HLTF: variants seen among roughly 807,000 people sequenced by gnomAD.
HLTF encodes the protein DNA-dependent ATPase/E3 ubiquitin-protein ligase HLTF.
A neutral mutation model predicts 129.4 loss-of-function variants in HLTF; 127 were observed. The observed-to-expected ratio is 0.98, with a 90% CI of 0.85 to 1.14. HLTF has a LOEUF of 1.14. Ranked by LOEUF, HLTF falls within the 50% of genes most tolerant of loss-of-function variation. The pLI is 0.00. For missense variants in HLTF, 1,139 were observed against 1,187.1 expected (o/e 0.96, Z 0.60); for synonymous variants, 332 against 388.8 (o/e 0.85, Z 1.72).
At chr3:149,080,926 T>A (rs1719806996) in intron 2 of HLTF, among the ~76,000 whole-genome samples, 1 of 152,172 alleles carries the variant, frequency 6.6e-6, no homozygotes, top group Admixed American at 6.5e-5. Flanking sequence ...ACAGACCACA[T>A]GCATTATGCA....
intron 2 of HLTF, among the ~76,000 whole-genome samples, chr3:149,080,957 T>C (rs1349719737): frequency 1.3e-5 from 2 of 152,166 alleles, no homozygotes; most frequent in Non-Finnish European, 2.9e-5. Context: ...CACAAGATTA[T>C]AATGGGGCTG....
chr3:149,079,026 C>T (rs1267114674), intron 2 of HLTF, among the ~76,000 whole-genome samples: 2 of 152,038 alleles, frequency 1.3e-5, no homozygotes, highest in East Asian at 1.9e-4. Context: ...CAAATTTGAG[C>T]AGGCATAAGA....
chr3:149,044,045 G>A (rs1716341002), intron 18 of HLTF, among the ~76,000 whole-genome samples: 1 of 152,074 alleles, frequency 6.6e-6, no homozygotes, highest in Non-Finnish European at 1.5e-5. Flanking sequence ...AAACTTACAA[G>A]CTCTAAACCA....
intron 4 of HLTF, among the ~76,000 whole-genome samples, chr3:149,073,990 T>C (rs1413398145): frequency 2.0e-5 from 3 of 152,178 alleles, no homozygotes; most frequent in African/African-American, 7.2e-5. Context: ...TTCTTTAATT[T>C]TTTTAATATC....
rs755031313 is a variant in HLTF at position 149,071,646 on chromosome 3, T to C, written c.639A>G (p.Glu213=). ...VQMTTEQLKT[E]FDKLFEDLKE... Reference sequence around the variant, plus strand: ...TTAAATCTTCAAACAATTTGTCAAATTCTGTTTTAAGCTACAATAAACAGC... The same window carrying C: ...TTAAATCTTCAAACAATTTGTCAAACTCTGTTTTAAGCTACAATAAACAGC... Residue 213 remains glutamate, a synonymous_variant, in exon 6 of 25, where the codon GAA becomes GAG. Coordinates refer to ENST00000310053, the MANE Select transcript of HLTF (RefSeq NM_003071.4). The C allele has an allele frequency of 2.5e-6, 4 of 1,576,958 alleles. No homozygotes were observed. The highest frequency in any genetic ancestry group is 3.4e-5 in the Admixed American group (2 of 58,726).
Position 149,080,134 on chromosome 3 carries a change from G to A in HLTF, c.229-4087C>T, listed in dbSNP as rs78957066. On this transcript the variant is annotated intron_variant, in intron 2 of 24. Coordinates refer to ENST00000310053, the MANE Select transcript of HLTF (RefSeq NM_003071.4). ...TTTCATTTACGTGAAATGTCAAGAGGAGGTAAATCCATATACACAGGAAGA... is the reference window on the plus strand; with the variant it reads ...TTTCATTTACGTGAAATGTCAAGAGAAGGTAAATCCATATACACAGGAAGA... Among the ~76,000 whole-genome samples, 1,292 of 152,186 alleles carry A rather than the reference G, an allele frequency of 8.5e-3. 23 individuals are homozygous for A. The highest frequency in any genetic ancestry group is 0.029 in the African/African-American group (1,201 of 41,498).
chr3:149,078,717 C>T (rs1245955805), intron 2 of HLTF, among the ~76,000 whole-genome samples: 3 of 151,500 alleles, frequency 2.0e-5, no homozygotes, highest in African/African-American at 7.3e-5. Flanking sequence ...ATTAGCCGGG[C>T]GAGGTGGCGG....
intron 2 of HLTF, among the ~76,000 whole-genome samples, chr3:149,083,955 AGTGAAAGAAAATCACACTGGCCT>A (rs1241528355): frequency 1.3e-5 from 2 of 151,992 alleles, no homozygotes; most frequent in Non-Finnish European, 2.9e-5. Flanking sequence ...AATTCACTTA[AGTGAAAGAAAATCACACTGGCCT>A]GAGAATTCTA....
At position 149,084,711 on chromosome 3, in the gene HLTF, C is replaced by T. The variant is rs1332300849; in HGVS notation, c.199G>A (p.Val67Met). 2.5e-6 allele frequency: 4 copies of T among 1,613,798 alleles called. No individual in the cohort carries two copies. The highest frequency in any genetic ancestry group is 3.4e-6 in the Non-Finnish European group (4 of 1,179,798). ...SVLFGSLRGH[V>M]VGLRYYTGVV... ...CCCGTGTAATAGCGTAGTCCAACCACATGACCTCTCAAACTTCCAAATAAA... is the reference window on the plus strand; with the variant it reads ...CCCGTGTAATAGCGTAGTCCAACCATATGACCTCTCAAACTTCCAAATAAA... The change falls in exon 2 of 25, where the codon GTG (valine) becomes ATG (methionine). Residue 67 changes from valine to methionine, a missense_variant. Coordinates refer to ENST00000310053, the MANE Select transcript of HLTF (RefSeq NM_003071.4).
At chr3:149,062,661 A>G (rs909990419) in intron 10 of HLTF, among the ~76,000 whole-genome samples, 1 of 152,228 alleles carries the variant, frequency 6.6e-6, no homozygotes, top group Admixed American at 6.5e-5. Context: ...CTATGTTAAT[A>G]TAATACTGTC....
chr3:149,079,373 T>TAAAAAAAAAAAAAAAAAAAA (rs71135659), intron 2 of HLTF, among the ~76,000 whole-genome samples: 3 of 57,230 alleles, frequency 5.2e-5, no homozygotes, highest in African/African-American at 1.9e-4. Context: ...CGACAGTTTC[T>TAAAAAAAAAAAAAAAAAAAA]AAAAAAAAAA....
intron 13 of HLTF, among the ~76,000 whole-genome samples, chr3:149,057,089 G>C (rs1357265928): frequency 8.3e-6 from 1 of 120,706 alleles, no homozygotes; most frequent in Admixed American, 1.0e-4. Context: ...CAGCCTGGGC[G>C]ACAGCGAGAC....
In HLTF at chr3:149,077,031, G is replaced by A. The variant is rs138712215; in HGVS notation, c.229-984C>T. Reference sequence around the variant, plus strand: ...TGGGAGGCCGAGGTGGGAAGATCACGAGGTCAAGAGATCAAGACCATCCTA... The same window carrying A: ...TGGGAGGCCGAGGTGGGAAGATCACAAGGTCAAGAGATCAAGACCATCCTA... On this transcript the variant is annotated intron_variant, in intron 2 of 24. Transcript: ENST00000310053. 4.7e-3 allele frequency among the ~76,000 whole-genome samples: 716 copies of A among 152,084 alleles called. 5 individuals carry two copies. Among genetic ancestry groups the A allele is most frequent in the African/African-American group, 0.016 (671 of 41,472 alleles).
rs761055691 is a variant in HLTF at position 149,068,325 on chromosome 3, A to G, written c.905T>C (p.Leu302Pro). Residue 302 changes from leucine to proline, a missense_variant, in exon 8 of 25, where the codon CTT (leucine) becomes CCT (proline). Coordinates refer to ENST00000310053, the MANE Select transcript of HLTF (RefSeq NM_003071.4). Reference sequence around the variant, plus strand: ...GGTAAGGATTACTGCAATGGCCGTAAGAGTTTTACCCTTAAAAATGTTTTA... The same window carrying G: ...GGTAAGGATTACTGCAATGGCCGTAGGAGTTTTACCCTTAAAAATGTTTTA... ...LADDMGLGKT[L>P]TAIAVILTNF... is the part of the protein sequence containing the mutation. 13 of 1,478,152 alleles carry G rather than the reference A, an allele frequency of 8.8e-6. No homozygotes were observed. Among genetic ancestry groups the G allele is most frequent in the Non-Finnish European group, 1.2e-5 (13 of 1,066,844 alleles). 91.6% of individuals were successfully genotyped at this position (1,478,152 alleles called of 1,614,324 possible).
At position 149,031,271 on chromosome 3, in the gene HLTF, A is replaced by G. The variant is rs1298494218; in HGVS notation, c.*949T>C. 6.5e-6 allele frequency: 1 copy of G among 152,674 alleles called. No individual in the cohort carries two copies. Among genetic ancestry groups the G allele is most frequent in the African/African-American group, 2.4e-5 (1 of 41,458 alleles). The allele number at this position is 152,674 out of a possible 1,614,324, so 9.5% of individuals were successfully genotyped here. ...AAACACATAACAATTGTTTACATTC[A>G]GGATTAAGATGTCTTTAAGAGTTGA... On this transcript the variant is annotated 3_prime_UTR_variant, in exon 25 of 25. Transcript: ENST00000310053.
chr3:149,045,613 T>A (rs1412267028), intron 18 of HLTF, among the ~76,000 whole-genome samples: 1 of 152,158 alleles, frequency 6.6e-6, no homozygotes, highest in Non-Finnish European at 1.5e-5. Flanking sequence ...CACTGAAGTT[T>A]TTATGTTTTG....
chr3:149,055,342 T>C lies in HLTF; in HGVS notation c.1434A>G (p.Thr478=). 2 of 1,613,948 alleles carry C rather than the reference T, an allele frequency of 1.2e-6. No individual in the cohort carries two copies. The highest frequency in any genetic ancestry group is 1.7e-6 in the Non-Finnish European group (2 of 1,179,872). Residue 478 remains threonine (T), a synonymous_variant, in exon 14 of 25, where the codon ACA becomes ACG. Transcript: ENST00000310053. ...ACACAGAAAGCGGACAGATGATCAGTGTTGTTCTTGGTCTCTCCTCAACAT... is the reference window on the plus strand; with the variant it reads ...ACACAGAAAGCGGACAGATGATCAGCGTTGTTCTTGGTCTCTCCTCAACAT... ...KTDVEERPRT[T]LIICPLSVLS...
Position 149,059,813 on chromosome 3 carries a change from A to G in HLTF, c.1286-6T>C. On this transcript the variant is annotated splice_region_variant and splice_polypyrimidine_tract_variant and intron_variant, in intron 12 of 24. Coordinates refer to ENST00000310053, the MANE Select transcript of HLTF (RefSeq NM_003071.4). ...TATAACCTTAGAAGATCCTGCTGAT[A>G]AAACAACAAAGAATCTTAAATTTTT... 6.3e-7 allele frequency: 1 copy of G among 1,574,932 alleles called. No homozygotes were observed. The highest frequency in any genetic ancestry group is 8.7e-7 in the Non-Finnish European group (1 of 1,155,534).
intron 7 of HLTF, 87 bp downstream of exon 7, chr3:149,071,165 T>G: frequency 1.2e-6 from 1 of 801,888 alleles, no homozygotes; most frequent in Non-Finnish European, 1.9e-6. Flanking sequence ...TACCAACATA[T>G]TCCTATCTCT....
Sources: gnomAD v4.1 joint callset for allele counts (sites outside exome capture counted in the v4.1 genomes callset) on GRCh38, gnomAD v4.1.1 for gene constraint, MANE v1.5 for transcripts, NCBI Gene and HGNC (gene_info 2026-07-23, HGNC 2026-07-21) for gene names.